Variants in SHISA9 observed in about 807,000 individuals in gnomAD.
SHISA9 encodes protein shisa-9.
A neutral mutation model predicts 38.0 loss-of-function variants in SHISA9; 13 were observed. The observed-to-expected ratio is 0.34, with a 90% CI of 0.22 to 0.54. The LOEUF is 0.54. SHISA9 is among the 20% of genes least tolerant of loss of function. The pLI is 0.91. For synonymous variants in SHISA9, 275 were observed against 242.0 expected (o/e 1.14, Z -1.27); for missense variants, 538 against 575.8 (o/e 0.93, Z 0.67).
At chr16:13,403,242 C>T in the SHISA9 span, among the ~76,000 whole-genome samples, 5 of 152,226 alleles carry the variant, frequency 3.3e-5, no homozygotes, top group Admixed American at 1.3e-4. Flanking sequence ...ATTATCAACA[C>T]TTGCCTGCCC....
intron 2 of SHISA9, among the ~76,000 whole-genome samples, chr16:12,974,886 C>T (rs2072135901): frequency 6.6e-6 from 1 of 152,160 alleles, no homozygotes; most frequent in Non-Finnish European, 1.5e-5. Context: ...TATTTATCTG[C>T]ATTTACATCT....
intron 2 of SHISA9, among the ~76,000 whole-genome samples, chr16:12,988,114 T>C (rs2072337167): frequency 6.6e-6 from 1 of 152,228 alleles, no homozygotes; most frequent in Admixed American, 6.5e-5. Flanking sequence ...AAGGCAGCAA[T>C]GCACTGAGAC....
chr16:13,506,000 A>C, the SHISA9 span, among the ~76,000 whole-genome samples: 2 of 152,332 alleles, frequency 1.3e-5, no homozygotes, highest in East Asian at 3.9e-4. Flanking sequence ...TGTCATCTGT[A>C]CCTATATCTA....
At chr16:13,407,651 T>A in the SHISA9 span, among the ~76,000 whole-genome samples, 1 of 152,192 alleles carries the variant, frequency 6.6e-6, no homozygotes, top group East Asian at 1.9e-4. Flanking sequence ...TCTAAGGGGA[T>A]GAATTTGTAT....
chr16:12,967,658 G>A (rs1019562504), intron 2 of SHISA9, among the ~76,000 whole-genome samples: 5 of 151,056 alleles, frequency 3.3e-5, no homozygotes, highest in Admixed American at 6.6e-5. Flanking sequence ...TTAATAAACA[G>A]TGCATCAAAT....
chr16:13,069,805 G>A (rs2073489740), intron 2 of SHISA9, among the ~76,000 whole-genome samples: 1 of 152,106 alleles, frequency 6.6e-6, no homozygotes, highest in African/African-American at 2.4e-5. Context: ...TCATGAATGG[G>A]ATCTGTACCC....
the SHISA9 span, among the ~76,000 whole-genome samples, chr16:13,347,010 T>A: frequency 6.6e-6 from 1 of 152,294 alleles, no homozygotes; most frequent in African/African-American, 2.4e-5. Flanking sequence ...GGATCTCTGG[T>A]TTTCTGGCCA....
At chr16:13,139,848 A>G (rs2050383901) in intron 2 of SHISA9, among the ~76,000 whole-genome samples, 1 of 152,160 alleles carries the variant, frequency 6.6e-6, no homozygotes, top group Non-Finnish European at 1.5e-5. Context: ...GAACCTCAGA[A>G]GAGGCAGGCC....
rs1027085747 is a variant in SHISA9 at position 13,237,610 on chromosome 16, C to T, written c.*2201C>T. On this transcript the variant is annotated 3_prime_UTR_variant, in exon 5 of 5. Transcript: ENST00000558583. ...CTTGGGAGGTTGCAGTGAGCTGAGA[C>T]CACACCACTGCCCTCTAGCCTGGGT... is the stretch of plus-strand genomic sequence containing the variant. 6.7e-6 allele frequency: 1 copy of T among 149,314 alleles called. No homozygotes were observed. Among genetic ancestry groups the T allele is most frequent in the Non-Finnish European group, 1.5e-5 (1 of 67,642 alleles). 9.2% of individuals were successfully genotyped at this position (149,314 alleles called of 1,614,324 possible).
At chr16:12,949,159 T>C (rs568366175) in intron 2 of SHISA9, among the ~76,000 whole-genome samples, 39 of 152,258 alleles carry the variant, frequency 2.6e-4, no homozygotes, top group African/African-American at 8.9e-4. Context: ...GAGCCTGAGA[T>C]AGGAATTCTT....
intron 2 of SHISA9, among the ~76,000 whole-genome samples, chr16:13,157,470 C>A (rs552414978): frequency 2.0e-5 from 3 of 152,204 alleles, no homozygotes; most frequent in Admixed American, 6.5e-5. Context: ...CCTTTCTGTC[C>A]CCCAGTTTCT....
the SHISA9 span, among the ~76,000 whole-genome samples, chr16:13,365,105 G>A: frequency 1.3e-5 from 2 of 152,166 alleles, no homozygotes; most frequent in African/African-American, 2.4e-5. Flanking sequence ...TACCTATATT[G>A]TGTTCAATGC....
At chr16:13,209,038 G>T (rs2051094020) in intron 3 of SHISA9, among the ~76,000 whole-genome samples, 1 of 152,176 alleles carries the variant, frequency 6.6e-6, no homozygotes, top group Non-Finnish European at 1.5e-5. Context: ...AGTAATTGGA[G>T]AAATTATTTA....
intron 2 of SHISA9, among the ~76,000 whole-genome samples, chr16:13,147,082 G>A (rs1258558582): frequency 6.6e-6 from 1 of 152,134 alleles, no homozygotes; most frequent in African/African-American, 2.4e-5. Flanking sequence ...CAAATAAGAG[G>A]GACTTATTGA....
At chr16:13,295,015 C>T in the SHISA9 span, among the ~76,000 whole-genome samples, 5 of 151,960 alleles carry the variant, frequency 3.3e-5, no homozygotes, top group Non-Finnish European at 7.4e-5. Flanking sequence ...TTATTATTGC[C>T]ATTTTACAGA....
At chr16:13,246,989 A>G in the SHISA9 span, among the ~76,000 whole-genome samples, 4 of 149,192 alleles carry the variant, frequency 2.7e-5, no homozygotes, top group Non-Finnish European at 5.9e-5. Flanking sequence ...TATAGTATTT[A>G]TATTTTAAAT....
In SHISA9 at chr16:12,902,130, G is replaced by A; in HGVS notation, c.66G>A (p.Arg22=). The change falls in exon 1 of 5, where the codon CGG becomes CGA. Residue 22 remains arginine, a synonymous_variant. Transcript: ENST00000558583. ...CCGAGCTGTGCGCCCGCGTGTGCCG[G>A]GCGCAGGAGCGAGCGGGACACGGGC... ...FLTELCARVC[R]AQERAGHGQL... is the part of the protein sequence containing the mutation. 6.7e-7 allele frequency: 1 copy of A among 1,501,930 alleles called. No homozygotes were observed. Among genetic ancestry groups the A allele is most frequent in the South Asian group, 1.2e-5 (1 of 80,622 alleles). The allele number at this position is 1,501,930 out of a possible 1,614,324, so 93.0% of individuals were successfully genotyped here.
chr16:13,324,080 T>C, the SHISA9 span, among the ~76,000 whole-genome samples: 1 of 152,220 alleles, frequency 6.6e-6, no homozygotes, highest in African/African-American at 2.4e-5. Flanking sequence ...GTGCCATCGA[T>C]GTATCTGCTC....
intron 2 of SHISA9, among the ~76,000 whole-genome samples, chr16:13,077,359 C>G (rs2073595207): frequency 6.6e-6 from 1 of 152,058 alleles, no homozygotes. Flanking sequence ...CCCACATTGA[C>G]TTGTCCTCAT....
Sources: gnomAD v4.1 joint callset for allele counts (sites outside exome capture counted in the v4.1 genomes callset) on GRCh38, gnomAD v4.1.1 for gene constraint, MANE v1.5 for transcripts, NCBI Gene and HGNC (gene_info 2026-07-23, HGNC 2026-07-21) for gene names.